The following ATP6V1A variants were observed in gnomAD, a reference collection of about 807,000 sequenced individuals.
ATP6V1A encodes V-type proton ATPase catalytic subunit A.
Under a neutral mutation model 70.1 loss-of-function variants are expected in ATP6V1A, and 18 were observed. The ratio of observed to expected loss-of-function variants is 0.26; its 90% CI spans 0.18 to 0.38. The LOEUF is 0.38. Among genes scored for constraint, ATP6V1A ranks in the 10% least tolerant of loss-of-function variants. The pLI is 1.00. For synonymous variants in ATP6V1A, 232 were observed against 253.8 expected, an observed-to-expected ratio of 0.91 and a Z score of 0.82; for missense variants, 424 against 772.4, an observed-to-expected ratio of 0.55 and a Z score of 5.35.
intron 1 of ATP6V1A, among the ~76,000 whole-genome samples, chr3:113,762,601 A>G (rs1353756943): frequency 1.3e-5 from 2 of 152,080 alleles, no homozygotes; most frequent in African/African-American, 4.8e-5. Flanking sequence ...TTTCATAGGC[A>G]GTTTATCTGA....
At chr3:113,782,470 T>A (rs1007475604) in intron 3 of ATP6V1A, among the ~76,000 whole-genome samples, 3 of 150,900 alleles carry the variant, frequency 2.0e-5, no homozygotes, top group African/African-American at 4.9e-5. Flanking sequence ...TATATCCTTC[T>A]AGTTTAGTAA....
chr3:113,766,729 C>T (rs1479206751), intron 1 of ATP6V1A, among the ~76,000 whole-genome samples: 1 of 152,156 alleles, frequency 6.6e-6, no homozygotes, highest in African/African-American at 2.4e-5. Context: ...TTTGGGGGGA[C>T]ACATTTAGTC....
intron 13 of ATP6V1A, among the ~76,000 whole-genome samples, chr3:113,804,357 C>A (rs1052591276): frequency 6.6e-6 from 1 of 152,094 alleles, no homozygotes; most frequent in African/African-American, 2.4e-5. Flanking sequence ...TGCTTTCATG[C>A]CTCATTTCCC....
chr3:113,748,227 T>C (rs920863110), intron 1 of ATP6V1A, among the ~76,000 whole-genome samples: 2 of 152,204 alleles, frequency 1.3e-5, no homozygotes, highest in African/African-American at 4.8e-5. Context: ...ATACAGGTGT[T>C]GTCCAACCCA....
intron 1 of ATP6V1A, among the ~76,000 whole-genome samples, chr3:113,773,748 A>G (rs1559753196): frequency 6.6e-6 from 1 of 152,124 alleles, no homozygotes; most frequent in African/African-American, 2.4e-5. Context: ...CTCTTTGTTC[A>G]TCCCTCCAAG....
intron 8 of ATP6V1A, 145 bp downstream of exon 8, chr3:113,789,985 CTT>C: frequency 3.3e-6 from 2 of 608,560 alleles, no homozygotes; most frequent in Non-Finnish European, 5.4e-6. Context: ...AAATATTTTA[CTT>C]GGCCGGGAAT....
chr3:113,774,812 C>CAA (rs545106566), intron 1 of ATP6V1A, among the ~76,000 whole-genome samples: 2 of 93,114 alleles, frequency 2.1e-5, no homozygotes, highest in African/African-American at 4.0e-5. Flanking sequence ...GACCCTGTCT[C>CAA]AAAAAAAAAA....
chr3:113,772,490 G>T (rs988864416), intron 1 of ATP6V1A, among the ~76,000 whole-genome samples: 1 of 152,168 alleles, frequency 6.6e-6, no homozygotes, highest in African/African-American at 2.4e-5. Context: ...CACTTTGGGA[G>T]GCCAAGGCAG....
chr3:113,759,957 G>C (rs1156393607), intron 1 of ATP6V1A, among the ~76,000 whole-genome samples: 1 of 152,210 alleles, frequency 6.6e-6, no homozygotes, highest in African/African-American at 2.4e-5. Flanking sequence ...GACAGACATT[G>C]AACAGCTTCT....
At chr3:113,755,220 TTAAAA>T (rs1559747742) in intron 1 of ATP6V1A, among the ~76,000 whole-genome samples, 2 of 152,170 alleles carry the variant, frequency 1.3e-5, no homozygotes, top group African/African-American at 2.4e-5. Context: ...TTTCTCAACT[TTAAAA>T]TAAGGATAAT....
chr3:113,753,693 C>CTTTTTTTTTTTTTTTTTTTTTT (rs11375661), intron 1 of ATP6V1A, among the ~76,000 whole-genome samples: 1 of 141,098 alleles, frequency 7.1e-6, no homozygotes, highest in Non-Finnish European at 1.5e-5. Flanking sequence ...TATCATGTGT[C>CTTTTTTTTTTTTTTTTTTTTTT]TTTTTTTTTT....
intron 1 of ATP6V1A, among the ~76,000 whole-genome samples, chr3:113,766,235 ATCT>A (rs1289776061): frequency 7.9e-5 from 12 of 151,994 alleles, no homozygotes; most frequent in African/African-American, 1.9e-4. Flanking sequence ...GTAGATGGAC[ATCT>A]TCTTGTATCC....
intron 6 of ATP6V1A, among the ~76,000 whole-genome samples, chr3:113,787,441 A>G (rs1489119491): frequency 6.6e-6 from 1 of 152,224 alleles, no homozygotes; most frequent in Non-Finnish European, 1.5e-5. Flanking sequence ...TTCATGGCAA[A>G]GAAGTAAATA....
intron 2 of ATP6V1A, among the ~76,000 whole-genome samples, chr3:113,779,531 T>C (rs1442460200): frequency 6.6e-6 from 1 of 152,250 alleles, no homozygotes; most frequent in Non-Finnish European, 1.5e-5. Context: ...ATAGTCTTTT[T>C]CTTGTTCTAG....
At chr3:113,765,468 G>T (rs1708757657) in intron 1 of ATP6V1A, among the ~76,000 whole-genome samples, 1 of 151,890 alleles carries the variant, frequency 6.6e-6, no homozygotes, top group African/African-American at 2.4e-5. Flanking sequence ...GCCAGGTGTG[G>T]TGGCGCATGT....
At chr3:113,806,848 A>C (rs1709280932) in intron 14 of ATP6V1A, among the ~76,000 whole-genome samples, 1 of 152,230 alleles carries the variant, frequency 6.6e-6, no homozygotes, top group African/African-American at 2.4e-5. Flanking sequence ...TAGGAACTCA[A>C]ATGTATAAGA....
intron 2 of ATP6V1A, chr3:113,780,609 C>A: frequency 2.1e-6 from 1 of 472,296 alleles, no homozygotes; most frequent in Non-Finnish European, 3.4e-6. Context: ...TGCTTTAGGT[C>A]TGTCTCTCAA....
At chr3:113,787,725 A>G (rs767671110) in intron 6 of ATP6V1A, among the ~76,000 whole-genome samples, 4 of 152,236 alleles carry the variant, frequency 2.6e-5, no homozygotes, top group Non-Finnish European at 4.4e-5. Context: ...TAGTAGATTT[A>G]TGTCACCATA....
chr3:113,760,194 T>G (rs1028824470), intron 1 of ATP6V1A, among the ~76,000 whole-genome samples: 4 of 152,258 alleles, frequency 2.6e-5, no homozygotes, highest in Non-Finnish European at 5.9e-5. Context: ...TGAAAATGTC[T>G]GGACTTTTGA....
Sources: allele counts gnomAD v4.1 joint callset (sites outside exome capture counted in the v4.1 genomes callset), GRCh38; gene constraint gnomAD v4.1.1; transcripts MANE v1.5; gene names NCBI Gene and HGNC (gene_info 2026-07-23, HGNC 2026-07-21).